RALGAPA2: variants seen among roughly 807,000 people sequenced by gnomAD.
RALGAPA2 encodes Ral GTPase activating protein catalytic subunit alpha 2, also known as ral GTPase-activating protein subunit alpha-2.
RALGAPA2 carries 139 observed loss-of-function variants against 230.4 expected under a neutral mutation model. The observed-to-expected ratio is 0.60, with a 90% CI of 0.53 to 0.69. RALGAPA2 has a LOEUF of 0.69. RALGAPA2 is among the 30% of genes least tolerant of loss of function. The probability of loss-of-function intolerance (pLI) is 0.00; values close to 1 mark genes in which losing one functional copy is unlikely to be tolerated. For missense variants in RALGAPA2, 2,163 were observed against 2,276.0 expected (o/e 0.95, Z 1.01); for synonymous variants, 847 against 837.8 (o/e 1.01, Z -0.19).
intron 3 of RALGAPA2, among the ~76,000 whole-genome samples, chr20:20,660,587 T>A (rs1490926756): frequency 6.6e-6 from 1 of 152,048 alleles, no homozygotes; most frequent in Non-Finnish European, 1.5e-5. Flanking sequence ...CCATGGAGAA[T>A]ACAAAAGCTT....
At chr20:20,520,865 TA>T in intron 31 of RALGAPA2, 51 bp downstream of exon 31, 4 of 1,417,526 alleles carry the variant, frequency 2.8e-6, no homozygotes, top group Non-Finnish European at 3.8e-6. Context: ...GGCTAAAGGC[TA>T]AATCCTTCCT....
chr20:20,607,461 G>T (rs1012854103), intron 14 of RALGAPA2, among the ~76,000 whole-genome samples: 1 of 151,920 alleles, frequency 6.6e-6, no homozygotes, highest in African/African-American at 2.4e-5. Flanking sequence ...AAATATGAAA[G>T]AAAATAAAAT....
intron 23 of RALGAPA2, among the ~76,000 whole-genome samples, chr20:20,549,743 C>T (rs1272585391): frequency 2.0e-5 from 3 of 152,228 alleles, no homozygotes; most frequent in Admixed American, 6.5e-5. Context: ...CCACTCATTT[C>T]TAACTCAGTA....
At position 20,474,240 on chromosome 20, in the gene RALGAPA2, C is replaced by T. The variant is rs115222016; in HGVS notation, c.5368-1284G>A. 7.3e-3 allele frequency among the ~76,000 whole-genome samples: 1,112 copies of T among 152,258 alleles called. 17 individuals are homozygous for T. Among genetic ancestry groups the T allele is most frequent in the African/African-American group, 0.025 (1,055 of 41,534 alleles). ...GAACATTCCAGGCAGAGTAACAGCA[C>T]AGGCCTTGTGGTGGGAGTAGAATTA... On this transcript the variant is annotated intron_variant, in intron 36 of 39. Coordinates refer to ENST00000202677, the MANE Select transcript of RALGAPA2 (RefSeq NM_020343.4).
chr20:20,535,453 T>C (rs923883619), intron 26 of RALGAPA2, among the ~76,000 whole-genome samples: 1 of 152,220 alleles, frequency 6.6e-6, no homozygotes, highest in Non-Finnish European at 1.5e-5. Context: ...TATATTTTCA[T>C]TTTCTTTCTT....
At chr20:20,440,540 C>T (rs866329478) in intron 37 of RALGAPA2, among the ~76,000 whole-genome samples, 11 of 152,220 alleles carry the variant, frequency 7.2e-5, no homozygotes, top group African/African-American at 1.4e-4. Context: ...CAGACAGCAT[C>T]GGAGCTTTGT....
intron 36 of RALGAPA2, among the ~76,000 whole-genome samples, chr20:20,484,694 T>C (rs1036833989): frequency 6.6e-6 from 1 of 152,170 alleles, no homozygotes; most frequent in Non-Finnish European, 1.5e-5. Flanking sequence ...ATATACATAA[T>C]AGATATTTTT....
chr20:20,536,829 T>A (rs1388949549), intron 24 of RALGAPA2, 45 bp from the exon 25 acceptor site: 1 of 1,573,370 alleles, frequency 6.4e-7, no homozygotes, highest in Admixed American at 1.8e-5. Flanking sequence ...TTTTTGTAAG[T>A]TAGAAACGTT....
intron 3 of RALGAPA2, among the ~76,000 whole-genome samples, chr20:20,662,874 G>C: frequency 6.6e-6 from 1 of 152,212 alleles, no homozygotes; most frequent in East Asian, 1.9e-4. Context: ...AAGGACAACA[G>C]GGGTGAGCCA....
chr20:20,528,850 T>C (rs1407646928), intron 27 of RALGAPA2, among the ~76,000 whole-genome samples: 2 of 152,180 alleles, frequency 1.3e-5, no homozygotes, highest in Admixed American at 6.5e-5. Flanking sequence ...CCGCTACCCA[T>C]GAAGCAGGCT....
intron 3 of RALGAPA2, among the ~76,000 whole-genome samples, chr20:20,655,793 G>C (rs1246578479): frequency 6.6e-6 from 1 of 152,160 alleles, no homozygotes; most frequent in African/African-American, 2.4e-5. Context: ...GCCAGGTAAA[G>C]AGAACATATA....
At chr20:20,693,120 T>C (rs1383135032) in intron 1 of RALGAPA2, among the ~76,000 whole-genome samples, 1 of 152,200 alleles carries the variant, frequency 6.6e-6, no homozygotes, top group Non-Finnish European at 1.5e-5. Context: ...GAACATCAAA[T>C]TCTTAGAAAT....
At chr20:20,569,748 A>T (rs764431993) in intron 23 of RALGAPA2, among the ~76,000 whole-genome samples, 1 of 152,144 alleles carries the variant, frequency 6.6e-6, no homozygotes, top group Non-Finnish European at 1.5e-5. Context: ...ATAGAAAGAC[A>T]ATTCTAAACT....
chr20:20,677,743 A>G (rs2068385000), intron 2 of RALGAPA2, among the ~76,000 whole-genome samples: 1 of 137,628 alleles, frequency 7.3e-6, no homozygotes. Context: ...TCCTGGGTTC[A>G]CTCCATTCTC....
chr20:20,498,325 T>C (rs1405887889), intron 35 of RALGAPA2, among the ~76,000 whole-genome samples: 5 of 152,340 alleles, frequency 3.3e-5, no homozygotes, highest in Admixed American at 6.5e-5. Context: ...TGGATACTTA[T>C]CAGGCTCAGA....
chr20:20,657,279 C>G (rs1047186700), intron 3 of RALGAPA2, among the ~76,000 whole-genome samples: 3 of 152,168 alleles, frequency 2.0e-5, no homozygotes, highest in Non-Finnish European at 4.4e-5. Context: ...CCAGTGTGAC[C>G]AGAAATGGCG....
intron 36 of RALGAPA2, among the ~76,000 whole-genome samples, chr20:20,476,747 A>C (rs2061660927): frequency 6.6e-6 from 1 of 151,466 alleles, no homozygotes; most frequent in Non-Finnish European, 1.5e-5. Context: ...CTATATAGAA[A>C]TTTCTAAAAC....
chr20:20,582,881 A>G (rs908810641), intron 20 of RALGAPA2, among the ~76,000 whole-genome samples, 169 bp downstream of exon 20: 4 of 152,180 alleles, frequency 2.6e-5, no homozygotes, highest in Non-Finnish European at 5.9e-5. Flanking sequence ...AGGGATAGTA[A>G]AGGCTTGACA....
chr20:20,535,025 G>C (rs2063463664), intron 26 of RALGAPA2, among the ~76,000 whole-genome samples: 1 of 152,112 alleles, frequency 6.6e-6, no homozygotes, highest in African/African-American at 2.4e-5. Flanking sequence ...AAATACAAGA[G>C]AAAAAACACT....
Sources: gnomAD v4.1 joint callset for allele counts (sites outside exome capture counted in the v4.1 genomes callset) on GRCh38, gnomAD v4.1.1 for gene constraint, MANE v1.5 for transcripts, NCBI Gene and HGNC (gene_info 2026-07-23, HGNC 2026-07-21) for gene names.